The following TBL1XR1 variants were observed in gnomAD, a reference collection of about 807,000 sequenced individuals.
TBL1XR1 encodes the protein TBL1X/Y related 1.
A neutral mutation model predicts 66.9 loss-of-function variants in TBL1XR1; 5 were observed. That is an observed-to-expected ratio of 0.07 (90% CI 0.04 to 0.16). The LOEUF is 0.16. Among genes scored for constraint, TBL1XR1 ranks in the 10% least tolerant of loss-of-function variants. TBL1XR1 has a pLI of 1.00. For synonymous variants in TBL1XR1, 210 were observed against 206.0 expected, an observed-to-expected ratio of 1.02 and a Z score of -0.17; for missense variants, 238 against 623.2, an observed-to-expected ratio of 0.38 and a Z score of 6.58.
intron 3 of TBL1XR1, among the ~76,000 whole-genome samples, chr3:177,064,374 T>A (rs187801002): frequency 2.0e-5 from 3 of 152,344 alleles, no homozygotes; most frequent in Admixed American, 6.5e-5. Context: ...CTGTTTTATC[T>A]ATCAATAAAA....
chr3:177,184,648 A>C (rs1460031462), intron 1 of TBL1XR1, among the ~76,000 whole-genome samples: 1 of 152,088 alleles, frequency 6.6e-6, no homozygotes, highest in African/African-American at 2.4e-5. Flanking sequence ...CTAAAAATAC[A>C]AAATTAGCCA....
chr3:177,095,881 C>A (rs1008169633), intron 2 of TBL1XR1, among the ~76,000 whole-genome samples: 1 of 152,074 alleles, frequency 6.6e-6, no homozygotes, highest in African/African-American at 2.4e-5. Context: ...TTAACAAGAA[C>A]AATGTTCAGT....
In TBL1XR1 at chr3:177,141,328, T is replaced by A. The variant is rs74687622; in HGVS notation, c.-121-42787A>T. On this transcript the variant is annotated intron_variant, in intron 1 of 15. Coordinates refer to ENST00000457928, the MANE Select transcript of TBL1XR1 (RefSeq NM_024665.7). ...AAACTGATTTTGATTTCTAAAAAGT[T>A]ATGGTAAGTCAGAATACCAGGTAGA... Among the ~76,000 whole-genome samples the A allele has an allele frequency of 6.2e-3, 945 of 152,324 alleles. 12 individuals carry two copies. The highest frequency in any genetic ancestry group is 0.022 in the African/African-American group (905 of 41,562).
intron 1 of TBL1XR1, among the ~76,000 whole-genome samples, chr3:177,194,648 G>A (rs917456111): frequency 1.3e-5 from 2 of 151,952 alleles, no homozygotes; most frequent in African/African-American, 4.8e-5. Flanking sequence ...ATGTTCAAAA[G>A]GTCTATTAAT....
At chr3:177,131,155 T>C (rs916626114) in intron 1 of TBL1XR1, among the ~76,000 whole-genome samples, 2 of 152,164 alleles carry the variant, frequency 1.3e-5, no homozygotes, top group Non-Finnish European at 2.9e-5. Context: ...AGAGAATATA[T>C]TGAGAACTTC....
chr3:177,029,802 TGTG>T (rs3046449), intron 14 of TBL1XR1, among the ~76,000 whole-genome samples: 132 of 151,970 alleles, frequency 8.7e-4, no homozygotes, highest in Non-Finnish European at 1.6e-3. Context: ...ATTGAAAAAT[TGTG>T]GTGGTGGTGG....
intron 4 of TBL1XR1, among the ~76,000 whole-genome samples, chr3:177,053,455 C>T (rs989232954): frequency 5.9e-5 from 9 of 152,176 alleles, no homozygotes; most frequent in African/African-American, 2.2e-4. Context: ...ATTCAAATAA[C>T]GTGAGAATTT....
chr3:177,072,637 C>CA (rs1720175918), intron 2 of TBL1XR1, among the ~76,000 whole-genome samples: 1 of 152,142 alleles, frequency 6.6e-6, no homozygotes, highest in South Asian at 2.1e-4. Flanking sequence ...ATGGTTGTCT[C>CA]AAAAAACAGG....
At chr3:177,201,311 T>C (rs1316304450), upstream of TBL1XR1, among the ~76,000 whole-genome samples, 1 of 147,132 alleles carries the variant, frequency 6.8e-6, no homozygotes, top group African/African-American at 2.5e-5. Flanking sequence ...CTCAGGAGGC[T>C]GAGGCAGAAG....
upstream of TBL1XR1, among the ~76,000 whole-genome samples, chr3:177,197,866 C>G (rs1737120009): frequency 6.8e-6 from 1 of 147,288 alleles, no homozygotes; most frequent in Admixed American, 6.7e-5. Context: ...CCCCCACCGC[C>G]GCGGGCCGGC....
At chr3:177,037,809 T>C (rs1715025742) in intron 12 of TBL1XR1, 1 of 183,128 alleles carries the variant, frequency 5.5e-6, no homozygotes, top group Non-Finnish European at 1.0e-5. Context: ...TCCATCCATC[T>C]TCTTATTGGT....
At chr3:177,042,448 C>T (rs988453265) in intron 10 of TBL1XR1, among the ~76,000 whole-genome samples, 4 of 152,036 alleles carry the variant, frequency 2.6e-5, no homozygotes, top group African/African-American at 9.7e-5. Context: ...AAAAACAAAA[C>T]CAAACTACAT....
chr3:177,076,970 T>C (rs1720775293), intron 2 of TBL1XR1, among the ~76,000 whole-genome samples: 1 of 152,216 alleles, frequency 6.6e-6, no homozygotes, highest in Non-Finnish European at 1.5e-5. Flanking sequence ...ACATTACAAG[T>C]GTCTGCCAGC....
rs1425385749 is a variant in TBL1XR1, at chr3:177,177,967, G to A, written c.-122+19154C>T. 2.0e-5 allele frequency among the ~76,000 whole-genome samples: 3 copies of A among 152,192 alleles called. No individual in the cohort carries two copies. In the East Asian group the frequency reaches 5.8e-4, roughly 29 times the overall value. ...GATGGCTGAAAACTGCCGCGGGTGG[G>A]CAGTAATTTCAGTGTAACCTCTCTG... On this transcript the variant is annotated intron_variant, in intron 1 of 15. Transcript: ENST00000457928.
At chr3:177,102,678 G>A (rs1190490577) in intron 1 of TBL1XR1, among the ~76,000 whole-genome samples, 1 of 152,140 alleles carries the variant, frequency 6.6e-6, no homozygotes, top group Non-Finnish European at 1.5e-5. Context: ...TCTCACCACA[G>A]CAGATCACTG....
intron 1 of TBL1XR1, among the ~76,000 whole-genome samples, chr3:177,122,202 A>G (rs1340248520): frequency 1.3e-5 from 2 of 152,072 alleles, no homozygotes; most frequent in Non-Finnish European, 2.9e-5. Flanking sequence ...TGTGTTTACT[A>G]AATGGAATAC....
chr3:177,056,301 T>A (rs1245916183), intron 3 of TBL1XR1, among the ~76,000 whole-genome samples: 1 of 152,134 alleles, frequency 6.6e-6, no homozygotes, highest in Non-Finnish European at 1.5e-5. Context: ...GCTTATAGAG[T>A]TTAAGTTTAA....
intron 1 of TBL1XR1, among the ~76,000 whole-genome samples, chr3:177,142,848 A>G (rs1000352360): frequency 6.6e-6 from 1 of 152,140 alleles, no homozygotes; most frequent in Non-Finnish European, 1.5e-5. Flanking sequence ...TTTTGCAATC[A>G]TATGTGGACA....
chr3:177,046,489 A>G (rs563182612), intron 9 of TBL1XR1, among the ~76,000 whole-genome samples: 26 of 152,304 alleles, frequency 1.7e-4, no homozygotes, highest in African/African-American at 6.3e-4. Flanking sequence ...GTAATAGTAC[A>G]TTTAATGTAA....
Sources: gnomAD v4.1 joint callset for allele counts (sites outside exome capture counted in the v4.1 genomes callset) on GRCh38, gnomAD v4.1.1 for gene constraint, MANE v1.5 for transcripts, NCBI Gene and HGNC (gene_info 2026-07-23, HGNC 2026-07-21) for gene names.